LRRC37A2: variants seen among roughly 807,000 people sequenced by gnomAD.
LRRC37A2 encodes leucine rich repeat containing 37 member A2.
LRRC37A2 carries 9 observed loss-of-function variants against 68.8 expected under a neutral mutation model. The ratio of observed to expected loss-of-function variants is 0.13; its 90% confidence interval spans 0.08 to 0.23. LRRC37A2 has a LOEUF of 0.23. LRRC37A2 is among the 10% of genes least tolerant of loss of function. LRRC37A2 has a pLI of 1.00. For missense variants in LRRC37A2, 168 were observed against 950.4 expected (o/e 0.18, Z 10.82); for synonymous variants, 63 against 367.6 (o/e 0.17, Z 9.48).
the LRRC37A2 span, among the ~76,000 whole-genome samples, chr17:46,771,949 C>G: frequency 2.7e-5 from 4 of 148,164 alleles, no homozygotes; most frequent in African/African-American, 9.8e-5. Flanking sequence ...CGCCGCGCCT[C>G]GCCCCTTCCG....
chr17:46,863,662 G>A, the LRRC37A2 span, among the ~76,000 whole-genome samples: 2 of 152,176 alleles, frequency 1.3e-5, no homozygotes, highest in African/African-American at 2.4e-5. Context: ...GCTATAAAAG[G>A]TTCCAGGGTA....
At chr17:46,498,651 G>A in the LRRC37A2 span, among the ~76,000 whole-genome samples, 2 of 142,984 alleles carry the variant, frequency 1.4e-5, no homozygotes, top group Non-Finnish European at 3.0e-5. Flanking sequence ...CTAAGAGAAT[G>A]TGTTGGCGGA....
At chr17:46,728,472 T>C in the LRRC37A2 span, among the ~76,000 whole-genome samples, 1 of 151,956 alleles carries the variant, frequency 6.6e-6, no homozygotes, top group African/African-American at 2.4e-5. Context: ...TCAAAAAATT[T>C]ATAGAGCCGA....
At chr17:46,824,271 C>T in the LRRC37A2 span, among the ~76,000 whole-genome samples, 8 of 152,144 alleles carry the variant, frequency 5.3e-5, no homozygotes, top group South Asian at 2.1e-4. Context: ...TTTTTTGAGA[C>T]GGTGTCTTGC....
chr17:46,725,025 A>C, the LRRC37A2 span, among the ~76,000 whole-genome samples: 1 of 152,220 alleles, frequency 6.6e-6, no homozygotes, highest in Non-Finnish European at 1.5e-5. Context: ...ATAAGGCATT[A>C]TATTAAATGA....
the LRRC37A2 span, chr17:46,966,824 A>C: frequency 2.3e-6 from 1 of 429,116 alleles, no homozygotes; most frequent in Non-Finnish European, 4.1e-6. Flanking sequence ...CAGAATTATG[A>C]AAAGTGCTTC....
At chr17:46,662,570 AC>A in the LRRC37A2 span, among the ~76,000 whole-genome samples, 2 of 114,216 alleles carry the variant, frequency 1.8e-5, no homozygotes, top group East Asian at 4.2e-4. Context: ...ATCTTCTCCT[AC>A]AAGCTCTGGT....
the LRRC37A2 span, among the ~76,000 whole-genome samples, chr17:46,999,699 T>C: frequency 6.6e-6 from 1 of 151,946 alleles, no homozygotes; most frequent in Non-Finnish European, 1.5e-5. Context: ...ACCACTCTTA[T>C]TTAGTAAGAG....
chr17:46,873,106 A>G, the LRRC37A2 span, among the ~76,000 whole-genome samples: 7 of 151,152 alleles, frequency 4.6e-5, no homozygotes, highest in Admixed American at 4.6e-4. Context: ...ACACACACAC[A>G]CACACACACA....
chr17:46,489,906 A>G, the LRRC37A2 span, among the ~76,000 whole-genome samples: 1 of 151,228 alleles, frequency 6.6e-6, no homozygotes, highest in Non-Finnish European at 1.5e-5. Flanking sequence ...TGGCAAATAC[A>G]CTCACTTGCG....
At chr17:47,000,009 A>AAATAAAATAAAAT in the LRRC37A2 span, among the ~76,000 whole-genome samples, 6 of 14,032 alleles carry the variant, frequency 4.3e-4, no homozygotes, top group African/African-American at 5.2e-4. Context: ...AAAATAAAAT[A>AAATAAAATAAAAT]AAATAAAATA....
the LRRC37A2 span, among the ~76,000 whole-genome samples, chr17:46,913,375 G>T: frequency 7.2e-5 from 11 of 152,210 alleles, no homozygotes; most frequent in African/African-American, 2.4e-5. Context: ...TGGACAACTG[G>T]GACCCCTGTG....
At chr17:46,715,719 G>A in the LRRC37A2 span, among the ~76,000 whole-genome samples, 1 of 152,154 alleles carries the variant, frequency 6.6e-6, no homozygotes, top group Non-Finnish European at 1.5e-5. Context: ...TGACTTGAAG[G>A]GGGAAGGTAA....
the LRRC37A2 span, among the ~76,000 whole-genome samples, chr17:46,953,618 G>A: frequency 6.6e-6 from 1 of 152,124 alleles, no homozygotes; most frequent in Non-Finnish European, 1.5e-5. Flanking sequence ...CTGAGGAATC[G>A]CCACACTGAC....
chr17:46,822,354 G>A, the LRRC37A2 span, among the ~76,000 whole-genome samples: 1 of 152,210 alleles, frequency 6.6e-6, no homozygotes, highest in Non-Finnish European at 1.5e-5. Context: ...AGCCTAGTTT[G>A]CTGGCATAGA....
At chr17:46,978,650 A>T in the LRRC37A2 span, 1 of 1,603,132 alleles carries the variant, frequency 6.2e-7, no homozygotes, top group Non-Finnish European at 8.5e-7. Flanking sequence ...GGCGCTCAGT[A>T]CAGCCCCAGG....
At chr17:46,676,478 C>T in the LRRC37A2 span, among the ~76,000 whole-genome samples, 51 of 143,614 alleles carry the variant, frequency 3.6e-4, 5 homozygotes, top group African/African-American at 1.3e-3. Context: ...GTGATCTGCC[C>T]GCCTTGGCCT....
the LRRC37A2 span, among the ~76,000 whole-genome samples, chr17:46,754,320 G>A: frequency 1.3e-5 from 2 of 149,766 alleles, no homozygotes; most frequent in African/African-American, 4.9e-5. Flanking sequence ...TTCTGGGATA[G>A]AAGAAATCTT....
At chr17:47,011,567 G>GT in the LRRC37A2 span, among the ~76,000 whole-genome samples, 79 of 145,924 alleles carry the variant, frequency 5.4e-4, no homozygotes, top group Middle Eastern at 7.1e-3. Context: ...AAAAAAAAAA[G>GT]TTGTTTTTTT....
Sources: allele counts gnomAD v4.1 joint callset (sites outside exome capture counted in the v4.1 genomes callset), GRCh38; gene constraint gnomAD v4.1.1; transcripts MANE v1.5; gene names NCBI Gene and HGNC (gene_info 2026-07-23, HGNC 2026-07-21).